Variants in PTPRT observed in about 807,000 individuals in gnomAD.
The protein encoded by PTPRT is protein tyrosine phosphatase receptor type T.
PTPRT carries 56 observed loss-of-function variants against 176.8 expected under a neutral mutation model. The ratio of observed to expected loss-of-function variants is 0.32; its 90% confidence interval spans 0.26 to 0.40. The LOEUF (loss-of-function observed/expected upper bound fraction) is 0.40. PTPRT is among the 10% of genes least tolerant of loss of function. The probability of loss-of-function intolerance (pLI) is 1.00; values close to 1 mark genes in which losing one functional copy is unlikely to be tolerated. For missense variants in PTPRT, 1,540 were observed against 1,908.2 expected (o/e 0.81, Z 3.60); for synonymous variants, 783 against 739.0 (o/e 1.06, Z -0.96).
intron 1 of PTPRT, among the ~76,000 whole-genome samples, chr20:42,978,232 A>G (rs1983067891): frequency 6.6e-6 from 1 of 152,268 alleles, no homozygotes; most frequent in South Asian, 2.1e-4. Context: ...ATAAAGTAGA[A>G]TAATTATAAT....
intron 15 of PTPRT, among the ~76,000 whole-genome samples, chr20:42,205,427 A>C (rs746625430): frequency 2.6e-5 from 4 of 152,284 alleles, no homozygotes; most frequent in Admixed American, 6.5e-5. Flanking sequence ...TGATATGAAA[A>C]ACAAGACAGG....
intron 7 of PTPRT, among the ~76,000 whole-genome samples, chr20:42,664,816 T>A (rs2075284587): frequency 6.6e-6 from 1 of 152,092 alleles, no homozygotes; most frequent in Non-Finnish European, 1.5e-5. Context: ...ATCTGATCTT[T>A]GACAAACCTG....
chr20:42,617,221 G>C lies in PTPRT; in HGVS notation c.1153+60645C>G, dbSNP rs1412226586. ...TCATGTGGTTTTTGTCTTTGGCTCT[G>C]TTTATATGCTGGATTACATTTATTG... On this transcript the variant is annotated intron_variant, in intron 7 of 30. Transcript: ENST00000373187. Among the ~76,000 whole-genome samples the C allele has an allele frequency of 9.6e-4, 130 of 136,122 alleles. 21 individuals carry two copies. Among genetic ancestry groups the C allele is most frequent in the Non-Finnish European group, 1.5e-3 (100 of 65,122 alleles). 89.3% of individuals were successfully genotyped at this position (136,122 alleles called of 152,430 possible).
At chr20:42,194,226 C>T (rs1189718857) in intron 16 of PTPRT, among the ~76,000 whole-genome samples, 2 of 152,202 alleles carry the variant, frequency 1.3e-5, no homozygotes, top group Non-Finnish European at 2.9e-5. Flanking sequence ...CCAGACCGTG[C>T]CACATGGCTT....
chr20:42,788,237 C>T (rs1355788436), intron 3 of PTPRT, among the ~76,000 whole-genome samples: 3 of 36,200 alleles, frequency 8.3e-5, no homozygotes, highest in Non-Finnish European at 1.9e-4. Flanking sequence ...CCTGACCACC[C>T]CAAGGCCAGC....
At chr20:42,545,269 T>C (rs188258578) in intron 7 of PTPRT, among the ~76,000 whole-genome samples, 9 of 152,330 alleles carry the variant, frequency 5.9e-5, no homozygotes, top group Non-Finnish European at 1.0e-4. Context: ...ATGCTTCTTA[T>C]ATGTGTGAAA....
At chr20:42,332,860 G>C (rs1474614963) in intron 11 of PTPRT, among the ~76,000 whole-genome samples, 2 of 152,132 alleles carry the variant, frequency 1.3e-5, no homozygotes, top group African/African-American at 2.4e-5. Flanking sequence ...GGTACAACAA[G>C]ATATATAAAC....
chr20:42,043,850 A>G, the PTPRT span, among the ~76,000 whole-genome samples: 1 of 152,240 alleles, frequency 6.6e-6, no homozygotes, highest in African/African-American at 2.4e-5. Context: ...CAGTTGCTGG[A>G]GAAACAATAT....
chr20:42,908,880 G>A (rs1053743052), intron 1 of PTPRT, among the ~76,000 whole-genome samples: 4 of 152,162 alleles, frequency 2.6e-5, no homozygotes, highest in African/African-American at 9.7e-5. Context: ...AATACAGGAT[G>A]GTGCCAGGGC....
rs372494400 is a variant in PTPRT, at chr20:42,888,472, C to A, written c.89-2540G>T. Among the ~76,000 whole-genome samples the A allele has an allele frequency of 2.8e-4, 42 of 152,314 alleles. 1 individual carries two copies. The South Asian group carries it at 8.7e-3, about 32-fold the overall frequency. On this transcript the variant is annotated intron_variant, in intron 1 of 30. Coordinates refer to ENST00000373187, the MANE Select transcript of PTPRT (RefSeq NM_007050.6). The stretch of plus-strand genomic sequence containing the variant: ...TAATCCTCACAAACCACATGAGGTA[C>A]ATTTTATCTCAACTTTAAATCTAAG...
intron 15 of PTPRT, among the ~76,000 whole-genome samples, chr20:42,206,994 G>A (rs1320707513): frequency 3.9e-5 from 6 of 152,148 alleles, no homozygotes; most frequent in African/African-American, 7.2e-5. Flanking sequence ...CCTGACCCCC[G>A]AGCAGCCTAA....
intron 6 of PTPRT, among the ~76,000 whole-genome samples, chr20:42,734,064 C>T (rs1349593239): frequency 6.6e-6 from 1 of 152,216 alleles, no homozygotes; most frequent in Non-Finnish European, 1.5e-5. Flanking sequence ...ATGCTTTTCC[C>T]TTACTGATTC....
At chr20:42,956,669 C>T (rs182458853) in intron 1 of PTPRT, among the ~76,000 whole-genome samples, 2 of 152,210 alleles carry the variant, frequency 1.3e-5, no homozygotes, top group East Asian at 3.9e-4. Flanking sequence ...GCACCAAAGA[C>T]TCTGCAGCTC....
chr20:42,180,116 T>C (rs959560630), intron 16 of PTPRT, among the ~76,000 whole-genome samples: 20 of 152,242 alleles, frequency 1.3e-4, no homozygotes, highest in Admixed American at 5.2e-4. Flanking sequence ...TCAGCTCTCA[T>C]AGGCACAAGG....
At chr20:42,455,883 C>T (rs2070913879) in intron 8 of PTPRT, among the ~76,000 whole-genome samples, 1 of 152,036 alleles carries the variant, frequency 6.6e-6, no homozygotes, top group Non-Finnish European at 1.5e-5. Context: ...ACTTCATGTT[C>T]ATGACTGTCT....
chr20:42,638,276 A>T (rs1164781441), intron 7 of PTPRT, among the ~76,000 whole-genome samples: 1 of 152,142 alleles, frequency 6.6e-6, no homozygotes. Context: ...AGATTGGGAT[A>T]GACTGGGAAG....
intron 6 of PTPRT, among the ~76,000 whole-genome samples, chr20:42,695,003 C>A (rs2075852080): frequency 6.6e-6 from 1 of 152,186 alleles, no homozygotes. Context: ...GTGGCTCATG[C>A]CTGTAATCCC....
At chr20:43,003,112 T>C (rs1197939434) in intron 1 of PTPRT, among the ~76,000 whole-genome samples, 1 of 152,190 alleles carries the variant, frequency 6.6e-6, no homozygotes, top group Non-Finnish European at 1.5e-5. Context: ...AATAAAATTA[T>C]AATATATATA....
At chr20:42,566,975 T>G (rs930643582) in intron 7 of PTPRT, among the ~76,000 whole-genome samples, 12 of 152,076 alleles carry the variant, frequency 7.9e-5, no homozygotes, top group African/African-American at 2.9e-4. Context: ...AAATGTTTAT[T>G]AAGAATAATT....
Sources: allele counts gnomAD v4.1 joint callset (sites outside exome capture counted in the v4.1 genomes callset), GRCh38; gene constraint gnomAD v4.1.1; transcripts MANE v1.5; gene names NCBI Gene and HGNC (gene_info 2026-07-23, HGNC 2026-07-21).